Variants in ATXN7L1 observed in about 807,000 individuals in gnomAD.
ATXN7L1 encodes the protein ataxin-7-like protein 1.
Under a neutral mutation model 70.8 loss-of-function variants are expected in ATXN7L1, and 15 were observed. The observed-to-expected ratio is 0.21, with a 90% confidence interval of 0.14 to 0.33. ATXN7L1 has a LOEUF of 0.33. Ranked by LOEUF, ATXN7L1 falls within the 10% of genes least tolerant of loss-of-function variation. ATXN7L1 has a pLI of 1.00. For synonymous variants in ATXN7L1, 440 were observed against 445.1 expected (o/e 0.99, Z 0.14); for missense variants, 975 against 1,097.1 (o/e 0.89, Z 1.57).
intron 3 of ATXN7L1, among the ~76,000 whole-genome samples, chr7:105,713,853 C>G (rs1794212826): frequency 6.6e-6 from 1 of 152,188 alleles, no homozygotes; most frequent in Non-Finnish European, 1.5e-5. Flanking sequence ...ACCCAGATGC[C>G]CATTAGCCCT....
chr7:105,701,612 C>T (rs1318371866), intron 3 of ATXN7L1, among the ~76,000 whole-genome samples: 2 of 152,196 alleles, frequency 1.3e-5, no homozygotes, highest in Non-Finnish European at 2.9e-5. Flanking sequence ...CTCCTATTTG[C>T]ACCCCATCCC....
At chr7:105,712,786 C>T (rs771278676) in intron 3 of ATXN7L1, among the ~76,000 whole-genome samples, 6 of 152,230 alleles carry the variant, frequency 3.9e-5, no homozygotes, top group Non-Finnish European at 7.3e-5. Context: ...GACTGTCCCA[C>T]ATCTTCTTGT....
At chr7:105,873,067 G>A in intron 2 of ATXN7L1, among the ~76,000 whole-genome samples, 1 of 152,070 alleles carries the variant, frequency 6.6e-6, no homozygotes, top group East Asian at 1.9e-4. Flanking sequence ...GGCAGGAGAA[G>A]GGTGTGAACC....
At chr7:105,740,612 G>A (rs907295569) in intron 3 of ATXN7L1, among the ~76,000 whole-genome samples, 1 of 151,912 alleles carries the variant, frequency 6.6e-6, no homozygotes, top group Non-Finnish European at 1.5e-5. Flanking sequence ...GCAGGGTGAC[G>A]TAACACAAGA....
rs138695122 is a variant in ATXN7L1, at chr7:105,662,259, C to T, written c.578+2807G>A. Reference sequence around the variant, plus strand: ...CTGGGATTACAGGTGTGTGCCACCACGCCTGGCTAATTTTTTGTATCTTTA... The same window carrying T: ...CTGGGATTACAGGTGTGTGCCACCATGCCTGGCTAATTTTTTGTATCTTTA... On this transcript the variant is annotated intron_variant, in intron 4 of 11. Coordinates refer to ENST00000419735, the MANE Select transcript of ATXN7L1 (RefSeq NM_020725.2). Among the ~76,000 whole-genome samples the T allele has an allele frequency of 1.5e-3, 224 of 152,014 alleles. 2 individuals are homozygous for T. In the East Asian group the frequency reaches 0.032, roughly 21 times the overall value.
chr7:105,725,635 C>G (rs1173283847), intron 3 of ATXN7L1, among the ~76,000 whole-genome samples: 1 of 149,142 alleles, frequency 6.7e-6, no homozygotes, highest in East Asian at 2.0e-4. Context: ...GGCTAGAGTG[C>G]AGTGGCGCCA....
At chr7:105,713,531 G>A (rs1025757989) in intron 3 of ATXN7L1, among the ~76,000 whole-genome samples, 1 of 152,264 alleles carries the variant, frequency 6.6e-6, no homozygotes, top group East Asian at 1.9e-4. Flanking sequence ...AACGATGTGG[G>A]TCTGTGGAGC....
intron 2 of ATXN7L1, among the ~76,000 whole-genome samples, chr7:105,824,811 G>C (rs908081483): frequency 1.3e-5 from 2 of 150,632 alleles, no homozygotes; most frequent in African/African-American, 4.9e-5. Flanking sequence ...CCCAAAGAAA[G>C]AAAAAAAGAC....
rs750305772 is a variant in ATXN7L1 at position 105,614,170 on chromosome 7, G to T, written c.2164C>A (p.Leu722Met). 5.5e-5 allele frequency: 86 copies of T among 1,551,614 alleles called. No homozygotes were observed. Among genetic ancestry groups the T allele is most frequent in the Non-Finnish European group, 7.0e-5 (80 of 1,147,026 alleles). ...ACTATGTCCGCGGGGCCGCCGGGCAGCGAGGTCCGTCCTGAGGGCTCCAGT... is the reference window on the plus strand; with the variant it reads ...ACTATGTCCGCGGGGCCGCCGGGCATCGAGGTCCGTCCTGAGGGCTCCAGT... Reference protein sequence around the residue: ...AKLEPSGRTSLPGGPADIVRQ... With the variant: ...AKLEPSGRTSMPGGPADIVRQ... The change falls in exon 10 of 12, where the codon CTG (leucine) becomes ATG (methionine). Residue 722 changes from leucine (L) to methionine (M), a missense_variant. This residue lies in a region of ATXN7L1 where 635 missense variants were observed against 699.4 expected (regional missense o/e 0.91). Transcript: ENST00000419735. This position sits in a 1 kb window ranked among gnomAD's most constrained non-coding sequence, Gnocchi z 4.3.
chr7:105,644,228 A>G (rs1372593648), intron 4 of ATXN7L1, among the ~76,000 whole-genome samples: 1 of 152,154 alleles, frequency 6.6e-6, no homozygotes, highest in East Asian at 1.9e-4. Flanking sequence ...TCCTTTCTCT[A>G]AGATTCATTC....
chr7:105,698,301 A>G (rs1792004599), intron 3 of ATXN7L1, among the ~76,000 whole-genome samples: 1 of 152,166 alleles, frequency 6.6e-6, no homozygotes, highest in Non-Finnish European at 1.5e-5. Context: ...AAACCAAGAC[A>G]TTGTAACTGA....
chr7:105,627,660 T>C (rs576240833), intron 7 of ATXN7L1, among the ~76,000 whole-genome samples: 37 of 151,416 alleles, frequency 2.4e-4, no homozygotes, highest in Admixed American at 2.3e-3. Flanking sequence ...GCATCCCGAG[T>C]AGCTGGGACT....
intron 3 of ATXN7L1, among the ~76,000 whole-genome samples, chr7:105,673,629 C>A (rs1021619106): frequency 2.0e-5 from 3 of 152,214 alleles, no homozygotes; most frequent in African/African-American, 4.8e-5. Flanking sequence ...TTCCAAGGGG[C>A]CTTCTTCCAA....
At chr7:105,782,052 C>T (rs770393221) in intron 3 of ATXN7L1, among the ~76,000 whole-genome samples, 3 of 152,134 alleles carry the variant, frequency 2.0e-5, no homozygotes, top group Non-Finnish European at 4.4e-5. Flanking sequence ...AGGCTGGTCT[C>T]GAACTCCTGA....
chr7:105,829,262 A>C (rs1025789943), intron 2 of ATXN7L1, among the ~76,000 whole-genome samples: 1 of 139,116 alleles, frequency 7.2e-6, no homozygotes, highest in African/African-American at 2.6e-5. Flanking sequence ...TCTCTACTAA[A>C]AATACAAACA....
intron 3 of ATXN7L1, among the ~76,000 whole-genome samples, chr7:105,780,608 G>A (rs1272392456): frequency 6.6e-6 from 1 of 151,830 alleles, no homozygotes; most frequent in African/African-American, 2.4e-5. Context: ...TCTGATGGGC[G>A]GGGTGTGCAG....
chr7:105,745,807 C>A (rs901366349), intron 3 of ATXN7L1, among the ~76,000 whole-genome samples: 3 of 152,196 alleles, frequency 2.0e-5, no homozygotes, highest in African/African-American at 7.2e-5. Flanking sequence ...CTGCTCTAAT[C>A]CCATCTGTTC....
chr7:105,615,345 C>A (rs1328467694), intron 9 of ATXN7L1, among the ~76,000 whole-genome samples: 2 of 152,200 alleles, frequency 1.3e-5, no homozygotes, highest in Non-Finnish European at 2.9e-5. Context: ...GGGCTTTCCC[C>A]ACCCTGCTCT....
intron 4 of ATXN7L1, among the ~76,000 whole-genome samples, chr7:105,646,276 C>G (rs1799007716): frequency 6.6e-6 from 1 of 152,086 alleles, no homozygotes. Flanking sequence ...TGCTATTGCA[C>G]AGAGCAAGAC....
Sources: allele counts gnomAD v4.1 joint callset (sites outside exome capture counted in the v4.1 genomes callset), GRCh38; gene constraint gnomAD v4.1.1; regional missense constraint gnomAD v4.1.1; non-coding constraint Gnocchi (gnomAD v3.1); transcripts MANE v1.5; gene names NCBI Gene and HGNC (gene_info 2026-07-23, HGNC 2026-07-21).